The following LRP1B variants were observed in gnomAD, a reference collection of about 807,000 sequenced individuals.
LRP1B encodes the protein LDL receptor related protein 1B.
A neutral mutation model predicts 556.6 loss-of-function variants in LRP1B; 217 were observed. That is an observed-to-expected ratio of 0.39 (90% confidence interval 0.35 to 0.44). LRP1B has a LOEUF of 0.44. Among genes scored for constraint, LRP1B ranks in the 20% least tolerant of loss-of-function variants. The probability of loss-of-function intolerance (pLI) is 1.00; values close to 1 mark genes in which losing one functional copy is unlikely to be tolerated. For missense variants in LRP1B, 5,053 were observed against 5,620.8 expected (o/e 0.90, Z 3.23); for synonymous variants, 2,047 against 1,865.8 (o/e 1.10, Z -2.50).
intron 2 of LRP1B, among the ~76,000 whole-genome samples, chr2:141,511,123 C>T (rs889539889): frequency 2.0e-5 from 3 of 152,076 alleles, no homozygotes; most frequent in African/African-American, 4.8e-5. Context: ...ATAGAGCTGT[C>T]GTGCCCTCAA....
intron 2 of LRP1B, among the ~76,000 whole-genome samples, chr2:141,622,180 C>A (rs112742242): frequency 1.3e-5 from 2 of 152,190 alleles, no homozygotes; most frequent in Admixed American, 6.5e-5. Context: ...TGTGAGCCAC[C>A]GCGCCTGGCT....
chr2:141,414,241 A>AT (rs1429621829), intron 3 of LRP1B, among the ~76,000 whole-genome samples: 108 of 139,354 alleles, frequency 7.8e-4, no homozygotes, highest in African/African-American at 3.1e-3. Context: ...CTATCTCAAA[A>AT]AAAAAAAAAA....
chr2:140,291,622 C>T (rs1306465694), intron 84 of LRP1B, among the ~76,000 whole-genome samples: 1 of 151,850 alleles, frequency 6.6e-6, no homozygotes, highest in Non-Finnish European at 1.5e-5. Flanking sequence ...CTTCCATGTC[C>T]GTACAAAGGA....
intron 41 of LRP1B, among the ~76,000 whole-genome samples, chr2:140,641,808 T>C (rs1684307325): frequency 6.6e-6 from 1 of 152,216 alleles, no homozygotes; most frequent in Non-Finnish European, 1.5e-5. Flanking sequence ...CAGTTAATAC[T>C]TTGTTTTTAC....
intron 7 of LRP1B, among the ~76,000 whole-genome samples, chr2:141,077,515 T>C (rs1248241355): frequency 6.6e-6 from 1 of 152,184 alleles, no homozygotes; most frequent in East Asian, 1.9e-4. Flanking sequence ...TGGTCCACAG[T>C]TACTCAAACA....
chr2:141,503,857 A>G (rs1683818201), intron 2 of LRP1B, among the ~76,000 whole-genome samples: 1 of 152,190 alleles, frequency 6.6e-6, no homozygotes, highest in South Asian at 2.1e-4. Context: ...AACTTTGAAA[A>G]GAGAAACAAC....
At chr2:141,614,080 C>CAGAAAAAAAAAAGA (rs1553543025) in intron 2 of LRP1B, among the ~76,000 whole-genome samples, 8 of 47,348 alleles carry the variant, frequency 1.7e-4, no homozygotes, top group African/African-American at 7.1e-4. Flanking sequence ...AACTCAGCCT[C>CAGAAAAAAAAAAGA]AAAAAAAAAA....
intron 6 of LRP1B, among the ~76,000 whole-genome samples, chr2:141,207,610 G>A (rs1211164698): frequency 6.6e-6 from 1 of 152,172 alleles, no homozygotes; most frequent in Non-Finnish European, 1.5e-5. Flanking sequence ...TGTGTGTGAA[G>A]CATTTAAGAC....
intron 1 of LRP1B, among the ~76,000 whole-genome samples, chr2:141,858,255 T>C (rs974833955): frequency 3.3e-5 from 5 of 152,216 alleles, no homozygotes; most frequent in Non-Finnish European, 5.9e-5. Flanking sequence ...TGACCATTTT[T>C]CTGCTATCCA....
chr2:141,165,885 T>A (rs1680230898), intron 7 of LRP1B, among the ~76,000 whole-genome samples: 1 of 152,036 alleles, frequency 6.6e-6, no homozygotes, highest in Admixed American at 6.6e-5. Flanking sequence ...ATTAGAATGT[T>A]TCCAGTTCAA....
At chr2:140,981,736 C>A (rs1327282963) in intron 18 of LRP1B, among the ~76,000 whole-genome samples, 1 of 152,090 alleles carries the variant, frequency 6.6e-6, no homozygotes, top group Non-Finnish European at 1.5e-5. Context: ...CAGTCTGAAT[C>A]ATTTATTCTT....
chr2:140,306,714 G>T (rs184472884), intron 83 of LRP1B, among the ~76,000 whole-genome samples: 1 of 151,722 alleles, frequency 6.6e-6, no homozygotes, highest in East Asian at 1.9e-4. Context: ...GAATGTGTTT[G>T]CTCTTGCTTC....
chr2:140,689,247 C>T (rs1174965300), intron 41 of LRP1B, among the ~76,000 whole-genome samples: 1 of 152,166 alleles, frequency 6.6e-6, no homozygotes, highest in Non-Finnish European at 1.5e-5. Flanking sequence ...ATAGCTGAGT[C>T]TTGTCCAATC....
intron 41 of LRP1B, among the ~76,000 whole-genome samples, chr2:140,647,512 T>C (rs911881944): frequency 6.6e-5 from 10 of 152,140 alleles, no homozygotes; most frequent in African/African-American, 2.4e-4. Flanking sequence ...TTATTAACAA[T>C]CATCAGATCA....
At chr2:141,246,954 G>A (rs759904373) in intron 5 of LRP1B, among the ~76,000 whole-genome samples, 1 of 152,106 alleles carries the variant, frequency 6.6e-6, no homozygotes, top group African/African-American at 2.4e-5. Flanking sequence ...CTGGGTGACA[G>A]AGTGAGACTC....
intron 2 of LRP1B, among the ~76,000 whole-genome samples, chr2:141,666,566 A>G (rs1029986402): frequency 6.6e-6 from 1 of 152,132 alleles, no homozygotes; most frequent in Non-Finnish European, 1.5e-5. Flanking sequence ...ATTACCTTCT[A>G]CTAAAGTCTT....
intron 79 of LRP1B, among the ~76,000 whole-genome samples, chr2:140,329,780 G>T (rs1680698535): frequency 6.6e-6 from 1 of 151,678 alleles, no homozygotes; most frequent in Non-Finnish European, 1.5e-5. Flanking sequence ...CATGCTCATG[G>T]GTAGAAAGAA....
At chr2:141,129,786 AC>A (rs1489175145) in intron 7 of LRP1B, among the ~76,000 whole-genome samples, 2 of 1,978 alleles carry the variant, frequency 1.0e-3, no homozygotes, top group Non-Finnish European at 0.037. Context: ...CATTTAATAA[AC>A]AAATAGAGTT....
rs1558825144 is a variant in LRP1B at position 141,049,235 on chromosome 2, GATT to G, written c.1553-16_1553-14del. On this transcript the variant is annotated splice_polypyrimidine_tract_variant and intron_variant, in intron 10 of 90. Coordinates refer to ENST00000389484, the MANE Select transcript of LRP1B (RefSeq NM_018557.3). Reference sequence around the variant, plus strand: ...TCATTCTTTGGTCCTGCAGAGGAAAGATTACAAACACAAACAACTGATGCTGCT... The same window carrying G: ...TCATTCTTTGGTCCTGCAGAGGAAAGACAAACACAAACAACTGATGCTGCT... The G allele has an allele frequency of 6.5e-7, 1 of 1,533,550 alleles. No homozygotes were observed. The highest frequency in any genetic ancestry group is 1.7e-5 in the Admixed American group (1 of 59,728). The allele number at this position is 1,533,550 out of a possible 1,614,324, so 95.0% of individuals were successfully genotyped here. A position where few individuals can be genotyped will look rare whatever the true frequency, so the allele number is the denominator to read the frequency against.
Sources: allele counts gnomAD v4.1 joint callset (sites outside exome capture counted in the v4.1 genomes callset), GRCh38; gene constraint gnomAD v4.1.1; transcripts MANE v1.5; gene names NCBI Gene and HGNC (gene_info 2026-07-23, HGNC 2026-07-21).